The following ABCG2 variants were observed in gnomAD, a reference collection of about 807,000 sequenced individuals.
The protein encoded by ABCG2 is broad substrate specificity ATP-binding cassette transporter ABCG2.
A neutral mutation model predicts 73.5 loss-of-function variants in ABCG2; 80 were observed. The observed-to-expected ratio is 1.09, with a 90% confidence interval of 0.91 to 1.31. The LOEUF (loss-of-function observed/expected upper bound fraction) is 1.31. Ranked by LOEUF, ABCG2 falls within the 50% of genes most tolerant of loss-of-function variation. ABCG2 has a pLI of 0.00. For missense variants in ABCG2, 796 were observed against 786.2 expected (o/e 1.01, Z -0.15); for synonymous variants, 269 against 282.4 (o/e 0.95, Z 0.48).
chr4:88,199,870 G>T lies in ABCG2; in HGVS notation c.-20+31124C>A, dbSNP rs776411485. ...AAAAAGATTAGCCGGGCGTGGTCGT[G>T]GGTGCCTGTGGTCCCAACTACTCCG... On this transcript the variant is annotated intron_variant, in intron 1 of 15. Coordinates refer to the ABCG2 transcript ENST00000515655. Among the ~76,000 whole-genome samples the T allele has an allele frequency of 9.2e-5, 14 of 151,844 alleles. 1 individual carries two copies. Among genetic ancestry groups the T allele is most frequent in the Non-Finnish European group, 1.8e-4 (12 of 67,958 alleles).
intron 10 of ABCG2, among the ~76,000 whole-genome samples, chr4:88,105,838 A>G (rs1722732926): frequency 6.6e-6 from 1 of 152,182 alleles, no homozygotes. Context: ...CACTCCTACA[A>G]CTCAACAACA....
At chr4:88,219,576 ATTTTTTTT>A (rs5860122) in intron 1 of ABCG2, among the ~76,000 whole-genome samples, 3 of 90,872 alleles carry the variant, frequency 3.3e-5, no homozygotes, top group African/African-American at 4.3e-5. Context: ...TACCATTCAA[ATTTTTTTT>A]TTTTTTTTTT....
At position 88,112,258 on chromosome 4, in the gene ABCG2, T is replaced by C. The variant is rs1274200845; in HGVS notation, c.1194+1045A>G. Among the ~76,000 whole-genome samples the C allele has an allele frequency of 4.6e-5, 7 of 152,318 alleles. No individual in the cohort carries two copies. In the East Asian group the frequency reaches 1.4e-3, roughly 29 times the overall value. On this transcript the variant is annotated intron_variant, in intron 9 of 15. Transcript: ENST00000237612. ...TGTGAACTCAAATTTGCTTACTACATTTGTTTCACCTGTAAACTGTCTAAG... is the reference window on the plus strand; with the variant it reads ...TGTGAACTCAAATTTGCTTACTACACTTGTTTCACCTGTAAACTGTCTAAG...
intron 10 of ABCG2, among the ~76,000 whole-genome samples, chr4:88,104,562 A>T (rs539753207): frequency 1.3e-5 from 2 of 152,194 alleles, no homozygotes; most frequent in African/African-American, 4.8e-5. Context: ...ACTGGGCTTA[A>T]CACCAAAGTG....
chr4:88,195,070 C>T (rs887410787), intron 1 of ABCG2, among the ~76,000 whole-genome samples: 1 of 152,126 alleles, frequency 6.6e-6, no homozygotes, highest in African/African-American at 2.4e-5. Flanking sequence ...TTCTTTTACA[C>T]ATTTAAAATA....
chr4:88,096,078 C>A (rs1454840781), intron 13 of ABCG2, among the ~76,000 whole-genome samples: 1 of 152,208 alleles, frequency 6.6e-6, no homozygotes, highest in Non-Finnish European at 1.5e-5. Flanking sequence ...GGTTTGCAGT[C>A]TATATCCATA....
rs187325658 is a variant in ABCG2 at position 88,156,865 on chromosome 4, G to T, written c.-20+1521C>A. 1.1e-3 allele frequency among the ~76,000 whole-genome samples: 175 copies of T among 152,294 alleles called. 4 individuals are homozygous for T. The East Asian group carries it at 0.031, about 27-fold the overall frequency. Reference sequence around the variant, plus strand: ...CACGCCTGTAATCCCAGCACTTTGGGAGGCCAAGGCAGGAGGATCACTAGA... The same window carrying T: ...CACGCCTGTAATCCCAGCACTTTGGTAGGCCAAGGCAGGAGGATCACTAGA... On this transcript the variant is annotated intron_variant, in intron 1 of 15. Coordinates refer to ENST00000237612, the MANE Select transcript of ABCG2 (RefSeq NM_004827.3).
chr4:88,164,427 C>A (rs371959347), intron 1 of ABCG2, among the ~76,000 whole-genome samples: 1 of 152,184 alleles, frequency 6.6e-6, no homozygotes, highest in African/African-American at 2.4e-5. Context: ...GGGAGGTAAT[C>A]GAATCACAGG....
chr4:88,206,522 A>C (rs1729388250), intron 1 of ABCG2: 2 of 152,188 alleles, frequency 1.3e-5, no homozygotes, highest in South Asian at 4.1e-4. Context: ...TGTCAAGAGA[A>C]GTGTTAACCT....
At chr4:88,162,539 A>G (rs955159114), upstream of ABCG2, among the ~76,000 whole-genome samples, 14 of 152,190 alleles carry the variant, frequency 9.2e-5, no homozygotes, top group African/African-American at 3.4e-4. Flanking sequence ...AAATCAAATA[A>G]AAATTCAAAA....
intron 1 of ABCG2, among the ~76,000 whole-genome samples, chr4:88,205,393 GA>G (rs954356700): frequency 7.9e-5 from 12 of 152,088 alleles, no homozygotes; most frequent in African/African-American, 2.9e-4. Flanking sequence ...TGTTTTCTCT[GA>G]AAAAGTAGGG....
intron 1 of ABCG2, among the ~76,000 whole-genome samples, chr4:88,149,095 G>A (rs1331461910): frequency 6.6e-6 from 1 of 152,068 alleles, no homozygotes; most frequent in East Asian, 1.9e-4. Context: ...CATGCCTGTA[G>A]ACCTAGCTAC....
At chr4:88,218,767 G>A (rs557751291) in intron 1 of ABCG2, among the ~76,000 whole-genome samples, 2 of 152,302 alleles carry the variant, frequency 1.3e-5, no homozygotes, top group South Asian at 4.1e-4. Flanking sequence ...TGATTGACTT[G>A]AATGACTATC....
rs1415626734 is a variant in ABCG2 at position 88,107,679 on chromosome 4, T to C, written c.1195-413A>G. ...TGACCCTGAACTGAACTCTCAACCT[T>C]TGTGCCAATGAACATGAGTCATTTT... On this transcript the variant is annotated intron_variant, in intron 9 of 15. Coordinates refer to ENST00000237612, the MANE Select transcript of ABCG2 (RefSeq NM_004827.3). Among the ~76,000 whole-genome samples the C allele has an allele frequency of 2.0e-5, 3 of 152,180 alleles. No homozygotes were observed. The East Asian group carries it at 5.8e-4, about 29-fold the overall frequency.
upstream of ABCG2, chr4:88,163,707 TGG>T: frequency 2.5e-6 from 1 of 393,014 alleles, no homozygotes; most frequent in South Asian, 2.0e-5. Context: ...AGTGTGTCCC[TGG>T]GGCACTCAGA....
At chr4:88,171,983 C>G (rs973064533) in intron 1 of ABCG2, among the ~76,000 whole-genome samples, 3 of 149,680 alleles carry the variant, frequency 2.0e-5, no homozygotes, top group Non-Finnish European at 3.0e-5. Context: ...GGCAACATGG[C>G]AAGACCCCAT....
At chr4:88,102,374 G>A (rs1192754025) in intron 10 of ABCG2, among the ~76,000 whole-genome samples, 6 of 152,132 alleles carry the variant, frequency 3.9e-5, no homozygotes, top group Admixed American at 6.5e-5. Context: ...GGGTCGGGAG[G>A]ATCATGAGGT....
At chr4:88,201,986 G>GT (rs1187219249) in intron 1 of ABCG2, among the ~76,000 whole-genome samples, 3 of 151,970 alleles carry the variant, frequency 2.0e-5, no homozygotes, top group African/African-American at 7.2e-5. Flanking sequence ...GATTTAATTG[G>GT]TATGAGTGTG....
chr4:88,210,694 G>T (rs1441642940), intron 1 of ABCG2, among the ~76,000 whole-genome samples: 1 of 151,318 alleles, frequency 6.6e-6, no homozygotes, highest in Non-Finnish European at 1.5e-5. Context: ...CTAGGTTCAA[G>T]CAATTCTCCC....
Sources: allele counts gnomAD v4.1 joint callset (sites outside exome capture counted in the v4.1 genomes callset), GRCh38; gene constraint gnomAD v4.1.1; transcripts MANE v1.5; gene names NCBI Gene and HGNC (gene_info 2026-07-23, HGNC 2026-07-21).